Variants in HDLBP observed in about 807,000 individuals in gnomAD.
The protein encoded by HDLBP is vigilin.
HDLBP carries 30 observed loss-of-function variants against 137.3 expected under a neutral mutation model. The observed-to-expected ratio is 0.22, with a 90% CI of 0.16 to 0.30. The LOEUF is 0.30. Ranked by LOEUF, HDLBP falls within the 10% of genes least tolerant of loss-of-function variation. HDLBP has a pLI of 1.00. For synonymous variants in HDLBP, 606 were observed against 596.0 expected (o/e 1.02, Z -0.24); for missense variants, 1,119 against 1,667.3 (o/e 0.67, Z 5.73).
intron 16 of HDLBP, among the ~76,000 whole-genome samples, chr2:241,246,087 A>T (rs2149435286): frequency 6.6e-6 from 1 of 152,360 alleles, no homozygotes; most frequent in Admixed American, 6.5e-5. Flanking sequence ...ATCCTGAAAT[A>T]AAAAAGAACA....
At chr2:241,299,436 C>T (rs2075309004) in intron 1 of HDLBP, among the ~76,000 whole-genome samples, 1 of 134,470 alleles carries the variant, frequency 7.4e-6, no homozygotes, top group African/African-American at 2.8e-5. Context: ...AGAATCACTA[C>T]TTGAACCCAG....
chr2:241,260,511 C>A (rs1266197712), intron 5 of HDLBP, among the ~76,000 whole-genome samples: 1 of 152,200 alleles, frequency 6.6e-6, no homozygotes, highest in African/African-American at 2.4e-5. Context: ...GTACTTCCCA[C>A]CCAACTGCTG....
In HDLBP at chr2:241,247,997, C is replaced by T. The variant is rs767030979; in HGVS notation, c.1731+6G>A. 1 of 1,598,936 alleles carries T rather than the reference C, an allele frequency of 6.3e-7. No individual in the cohort carries two copies. The highest frequency in any genetic ancestry group is 2.2e-5 in the East Asian group (1 of 44,824). On this transcript the variant is annotated splice_donor_region_variant and intron_variant, in intron 14 of 27. Coordinates refer to ENST00000310931, the MANE Select transcript of HDLBP (RefSeq NM_005336.6). Reference sequence around the variant, plus strand: ...TCATACAAGAAAGGATGTGAAACACCCCTACCAGATCTGCCACCATCTTCT... The same window carrying T: ...TCATACAAGAAAGGATGTGAAACACTCCTACCAGATCTGCCACCATCTTCT...
In HDLBP at chr2:241,240,147, T is replaced by A; in HGVS notation, c.2170-25A>T. ...GCTGCAGAAACCAATCCCACTGTGT[T>A]AGCCTGACACCACGTGCCTGGACCA... On this transcript the variant is annotated intron_variant, in intron 17 of 27. Coordinates refer to ENST00000310931, the MANE Select transcript of HDLBP (RefSeq NM_005336.6). The surrounding 1 kb of genome is among the most constrained non-coding windows in gnomAD (Gnocchi z 5.5). 6.2e-7 allele frequency: 1 copy of A among 1,608,874 alleles called. No individual in the cohort carries two copies. The highest frequency in any genetic ancestry group is 8.5e-7 in the Non-Finnish European group (1 of 1,175,160).
chr2:241,261,413 T>C (rs1322856661), intron 5 of HDLBP, among the ~76,000 whole-genome samples: 1 of 152,104 alleles, frequency 6.6e-6, no homozygotes, highest in Non-Finnish European at 1.5e-5. Flanking sequence ...TTACATGAGT[T>C]AGGAGCACAA....
chr2:241,255,244 G>C (rs1164193215), intron 8 of HDLBP, 86 bp from the exon 9 acceptor site: 1 of 1,440,294 alleles, frequency 6.9e-7, no homozygotes, highest in African/African-American at 1.4e-5. Flanking sequence ...GGGGCTCAGA[G>C]GCACGCTCTC....
chr2:241,260,815 G>A (rs1038411643), intron 5 of HDLBP, among the ~76,000 whole-genome samples: 9 of 151,968 alleles, frequency 5.9e-5, no homozygotes, highest in African/African-American at 1.7e-4. Context: ...AGCCCCTAGA[G>A]ATCTAACACC....
At position 241,227,383 on chromosome 2, in the gene HDLBP, C is replaced by A. The variant is rs1371927726; in HGVS notation, c.*2218G>T. 1 of 152,490 alleles carries A rather than the reference C, an allele frequency of 6.6e-6. No homozygotes were observed. Among genetic ancestry groups the A allele is most frequent in the Non-Finnish European group, 1.5e-5 (1 of 68,042 alleles). The allele number at this position is 152,490 out of a possible 1,614,324, so 9.4% of individuals were successfully genotyped here. A position where few individuals can be genotyped will look rare whatever the true frequency, so the allele number is the denominator to read the frequency against. On this transcript the variant is annotated 3_prime_UTR_variant, in exon 28 of 28. Transcript: ENST00000310931. Reference sequence around the variant, plus strand: ...CATGTTTGCATATAATCTCCAAATTCCAAAGTTAAGGCCAAGGGATGGATT... The same window carrying A: ...CATGTTTGCATATAATCTCCAAATTACAAAGTTAAGGCCAAGGGATGGATT...
chr2:241,255,045 C>T lies in HDLBP; in HGVS notation c.1188+6G>A, dbSNP rs200399017. The T allele has an allele frequency of 1.8e-5, 28 of 1,591,628 alleles. No homozygotes were observed. The highest frequency in any genetic ancestry group is 2.3e-5 in the Non-Finnish European group (27 of 1,159,572). ...TCAATACAACAGGTGAAAAACGTGT[C>T]CTTACCTTTGGCATCTGCTGAGTGA... On this transcript the variant is annotated splice_donor_region_variant and intron_variant, in intron 9 of 27. Transcript: ENST00000310931.
At chr2:241,290,825 A>G (rs569637269) in intron 1 of HDLBP, among the ~76,000 whole-genome samples, 1 of 152,380 alleles carries the variant, frequency 6.6e-6, no homozygotes, top group East Asian at 1.9e-4. Context: ...TAAGCATCAG[A>G]GAATTATTTA....
At chr2:241,271,880 G>A (rs2074067824) in intron 1 of HDLBP, 1 of 152,230 alleles carries the variant, frequency 6.6e-6, no homozygotes, top group African/African-American at 2.4e-5. Flanking sequence ...ACAGGCGACT[G>A]GCGAGCAGAA....
At chr2:241,294,167 G>C (rs181013964) in intron 1 of HDLBP, among the ~76,000 whole-genome samples, 1 of 152,080 alleles carries the variant, frequency 6.6e-6, no homozygotes, top group African/African-American at 2.4e-5. Context: ...TTTGTCTCAC[G>C]GGTGCCACGA....
At chr2:241,303,384 G>A (rs1559557008) in intron 1 of HDLBP, among the ~76,000 whole-genome samples, 1 of 152,144 alleles carries the variant, frequency 6.6e-6, no homozygotes, top group Non-Finnish European at 1.5e-5. Flanking sequence ...ACAACAGGAC[G>A]CTGGAAGACT....
At chr2:241,280,840 T>C (rs1011165040) in intron 1 of HDLBP, among the ~76,000 whole-genome samples, 2 of 152,202 alleles carry the variant, frequency 1.3e-5, no homozygotes, top group Non-Finnish European at 2.9e-5. Flanking sequence ...GAACCTGCCC[T>C]TTAATAGGTA....
At chr2:241,247,211 C>T (rs2071750183) in intron 14 of HDLBP, 69 bp from the exon 15 acceptor site, 3 of 988,328 alleles carry the variant, frequency 3.0e-6, no homozygotes, top group South Asian at 2.6e-5. Flanking sequence ...TCCCTTCTAC[C>T]CCTAAGGGTA....
chr2:241,278,595 A>T (rs993275333), intron 1 of HDLBP, among the ~76,000 whole-genome samples: 2 of 152,114 alleles, frequency 1.3e-5, no homozygotes, highest in African/African-American at 2.4e-5. Context: ...AAAAAAAAAA[A>T]ATTCAAATGA....
Position 241,235,127 on chromosome 2 carries a change from C to T in HDLBP, c.3138G>A (p.Glu1046=). The T allele has an allele frequency of 6.2e-7, 1 of 1,613,132 alleles. No homozygotes were observed. Among genetic ancestry groups the T allele is most frequent in the Non-Finnish European group, 8.5e-7 (1 of 1,179,938 alleles). Residue 1046 remains glutamate, a synonymous_variant, in exon 23 of 28, where the codon GAG becomes GAA. Transcript: ENST00000310931. ...ERVKELQAEQ[E]DRALRSFKLS... is the part of the protein sequence containing the mutation. ...CCGGCCACCTCCTGCTCACCCGGTC[C>T]TCCTGCTCGGCCTGTAGCTCCTTCA...
chr2:241,314,037 TC>T (rs958380976), intron 1 of HDLBP, among the ~76,000 whole-genome samples: 2 of 152,190 alleles, frequency 1.3e-5, no homozygotes, highest in African/African-American at 4.8e-5. Context: ...TCAAACGCTG[TC>T]CCTGAGACTT....
At chr2:241,282,044 A>G (rs34006413) in intron 1 of HDLBP, among the ~76,000 whole-genome samples, 48,798 of 152,078 alleles carry the variant, frequency 0.32, 8,543 homozygotes, top group East Asian at 0.51. Flanking sequence ...ACATTAGGGG[A>G]AAAGAGTATA....
Sources: gnomAD v4.1 joint callset for allele counts (sites outside exome capture counted in the v4.1 genomes callset) on GRCh38, gnomAD v4.1.1 for gene constraint, Gnocchi (gnomAD v3.1) non-coding constraint, MANE v1.5 for transcripts, NCBI Gene and HGNC (gene_info 2026-07-23, HGNC 2026-07-21) for gene names.